The following DOCK4 variants were observed in gnomAD, a reference collection of about 807,000 sequenced individuals.
DOCK4 encodes the protein dedicator of cytokinesis protein 4.
DOCK4 carries 97 observed loss-of-function variants against 268.1 expected under a neutral mutation model. The observed-to-expected ratio is 0.36, with a 90% confidence interval of 0.31 to 0.43. The LOEUF (loss-of-function observed/expected upper bound fraction) is 0.43. DOCK4 is among the 20% of genes least tolerant of loss of function. The probability of loss-of-function intolerance (pLI) is 1.00; values close to 1 mark genes in which losing one functional copy is unlikely to be tolerated. For synonymous variants in DOCK4, 954 were observed against 887.2 expected (o/e 1.08, Z -1.34); for missense variants, 2,145 against 2,455.7 (o/e 0.87, Z 2.67).
chr7:111,755,666 G>GTGTT, intron 41 of DOCK4, 65 bp from the exon 42 acceptor site: 1 of 1,423,694 alleles, frequency 7.0e-7, no homozygotes, highest in Non-Finnish European at 9.9e-7. Flanking sequence ...TCCATGACTA[G>GTGTT]TGTTTGTCGG....
intron 1 of DOCK4, among the ~76,000 whole-genome samples, chr7:112,139,484 T>C (rs966073677): frequency 2.0e-5 from 3 of 152,190 alleles, no homozygotes; most frequent in Non-Finnish European, 4.4e-5. Context: ...AACGTGTGAC[T>C]AAGAGCTTAG....
intron 12 of DOCK4, among the ~76,000 whole-genome samples, chr7:111,927,846 T>C (rs73428858): frequency 0.16 from 24,391 of 152,044 alleles, 2,284 homozygotes; most frequent in East Asian, 0.36. Context: ...CTCTCGGACC[T>C]TCCCTGCCAT....
rs1795741325 is a variant in DOCK4 at position 111,739,436 on chromosome 7, A to G, written c.5082T>C (p.Ala1694=). 5.1e-6 allele frequency: 8 copies of G among 1,578,298 alleles called. No individual in the cohort carries two copies. Among genetic ancestry groups the G allele is most frequent in the Non-Finnish European group, 6.9e-6 (8 of 1,162,072 alleles). The change falls in exon 48 of 53, where the codon GCT becomes GCC. Residue 1694 remains alanine (A), a synonymous_variant. Transcript: ENST00000428084. ...STSSLSSTHS[A]SPNVTSSAPS... ...GAGCAGAACTTGTCACATTAGGTGA[A>G]GCCGAGTGAGTAGAACTCAAGCTTG...
intron 1 of DOCK4, among the ~76,000 whole-genome samples, chr7:112,157,185 A>G (rs1394026282): frequency 1.3e-5 from 2 of 151,982 alleles, no homozygotes; most frequent in Non-Finnish European, 2.9e-5. Flanking sequence ...GTCATTTGAG[A>G]GCAGCTCACA....
intron 1 of DOCK4, among the ~76,000 whole-genome samples, chr7:112,120,989 A>G (rs2115894460): frequency 6.6e-6 from 1 of 152,358 alleles, no homozygotes; most frequent in South Asian, 2.1e-4. Context: ...TCAGCCTACG[A>G]GACTGGCATC....
At chr7:112,147,417 C>T (rs940390285) in intron 1 of DOCK4, among the ~76,000 whole-genome samples, 1 of 152,164 alleles carries the variant, frequency 6.6e-6, no homozygotes, top group African/African-American at 2.4e-5. Flanking sequence ...GCATGTCTAC[C>T]ACCTTTAGCT....
chr7:112,164,723 T>C (rs750487046), intron 1 of DOCK4, among the ~76,000 whole-genome samples: 77 of 152,236 alleles, frequency 5.1e-4, no homozygotes, highest in Non-Finnish European at 8.7e-4. Flanking sequence ...TCATGCTAAA[T>C]GCATTGCATG....
At chr7:112,076,253 C>CA (rs1223083227) in intron 1 of DOCK4, among the ~76,000 whole-genome samples, 3 of 152,022 alleles carry the variant, frequency 2.0e-5, no homozygotes, top group South Asian at 2.1e-4. Context: ...ACAGTAAACA[C>CA]ACAATAAATG....
intron 13 of DOCK4, among the ~76,000 whole-genome samples, chr7:111,910,284 A>C (rs1324041404): frequency 6.6e-6 from 1 of 152,204 alleles, no homozygotes; most frequent in East Asian, 1.9e-4. Flanking sequence ...AGAATGTCTG[A>C]TGGATGGAAA....
At chr7:112,120,094 G>A (rs374348408) in intron 1 of DOCK4, among the ~76,000 whole-genome samples, 3 of 152,016 alleles carry the variant, frequency 2.0e-5, no homozygotes, top group Non-Finnish European at 2.9e-5. Context: ...TGATCCGCCC[G>A]CCTCGGCCTC....
chr7:111,739,503 C>T lies in DOCK4; in HGVS notation c.5041-26G>A, dbSNP rs1347716644. On this transcript the variant is annotated intron_variant, in intron 47 of 52. Coordinates refer to ENST00000428084, the MANE Select transcript of DOCK4 (RefSeq NM_001363540.2). ...CTGGAAACACACAGGGAGCTATTATCATACCCTGATTAAAGGCTTCCCACG... is the reference window on the plus strand; with the variant it reads ...CTGGAAACACACAGGGAGCTATTATTATACCCTGATTAAAGGCTTCCCACG... 4 of 1,546,730 alleles carry T rather than the reference C, an allele frequency of 2.6e-6. No individual in the cohort carries two copies. The Admixed American group carries it at 5.9e-5, about 23-fold the overall frequency.
chr7:112,105,685 C>CTT (rs752689972), intron 1 of DOCK4, among the ~76,000 whole-genome samples: 5 of 135,760 alleles, frequency 3.7e-5, no homozygotes, highest in Admixed American at 7.5e-5. Flanking sequence ...CCTCCTCTTC[C>CTT]TTTTTTTTTT....
chr7:111,752,577 GGTTT>G (rs1796734079), intron 42 of DOCK4, among the ~76,000 whole-genome samples: 2 of 131,538 alleles, frequency 1.5e-5, no homozygotes, highest in Non-Finnish European at 3.1e-5. Flanking sequence ...AATCAGCTTA[GGTTT>G]TTTTTTTTTT....
At chr7:111,734,004 C>CG (rs1795294344) in intron 51 of DOCK4, among the ~76,000 whole-genome samples, 6 of 152,162 alleles carry the variant, frequency 3.9e-5, no homozygotes, top group Non-Finnish European at 7.3e-5. Flanking sequence ...GTGGCTCAAT[C>CG]TTGGCTCACT....
intron 1 of DOCK4, among the ~76,000 whole-genome samples, chr7:112,192,404 T>C (rs1324033561): frequency 2.6e-5 from 4 of 152,190 alleles, no homozygotes; most frequent in Non-Finnish European, 5.9e-5. Flanking sequence ...CTCACTCCTA[T>C]GGGAAGTATC....
intron 8 of DOCK4, among the ~76,000 whole-genome samples, chr7:111,975,901 C>T (rs1339575076): frequency 4.0e-5 from 6 of 151,484 alleles, no homozygotes; most frequent in Non-Finnish European, 7.4e-5. Context: ...CAGTGACTCA[C>T]GCCTGTAATC....
chr7:111,926,521 GA>G (rs1289213931), intron 12 of DOCK4, among the ~76,000 whole-genome samples: 3 of 132,138 alleles, frequency 2.3e-5, no homozygotes, highest in Non-Finnish European at 5.2e-5. Context: ...AAGAAAAAAA[GA>G]AAGAAAAAGA....
chr7:111,944,011 T>A (rs1340092407), intron 10 of DOCK4, among the ~76,000 whole-genome samples: 1 of 152,194 alleles, frequency 6.6e-6, no homozygotes, highest in Non-Finnish European at 1.5e-5. Flanking sequence ...GAATTCCCAA[T>A]AATGACTGAT....
At chr7:112,060,026 T>G (rs1352625767) in intron 1 of DOCK4, among the ~76,000 whole-genome samples, 1 of 152,246 alleles carries the variant, frequency 6.6e-6, no homozygotes, top group East Asian at 1.9e-4. Flanking sequence ...AGAAGGATCA[T>G]GATATTCATT....
Sources: allele counts gnomAD v4.1 joint callset (sites outside exome capture counted in the v4.1 genomes callset), GRCh38; gene constraint gnomAD v4.1.1; transcripts MANE v1.5; gene names NCBI Gene and HGNC (gene_info 2026-07-23, HGNC 2026-07-21).